The following MAD1L1 variants were observed in gnomAD, a reference collection of about 807,000 sequenced individuals.
The protein encoded by MAD1L1 is mitotic spindle assembly checkpoint protein MAD1.
In MAD1L1, 95 loss-of-function variants were observed where a neutral mutation model predicts 96.9. The observed-to-expected ratio is 0.98, with a 90% CI of 0.83 to 1.16. The LOEUF (loss-of-function observed/expected upper bound fraction) is 1.16, where lower values mean the gene tolerates loss of function less well. Among genes scored for constraint, MAD1L1 ranks in the 50% most tolerant of loss-of-function variants. The pLI is 0.00. For synonymous variants in MAD1L1, 473 were observed against 396.6 expected, an observed-to-expected ratio of 1.19 and a Z score of -2.29; for missense variants, 1,007 against 954.4, an observed-to-expected ratio of 1.06 and a Z score of -0.73.
At chr7:1,872,820 C>T (rs1785176978) in intron 18 of MAD1L1, 2 of 152,256 alleles carry the variant, frequency 1.3e-5, no homozygotes, top group South Asian at 4.1e-4. Context: ...TGAGATCGAA[C>T]TCCACAGTGA....
chr7:2,063,218 G>C (rs1784739125), intron 12 of MAD1L1, among the ~76,000 whole-genome samples: 1 of 152,164 alleles, frequency 6.6e-6, no homozygotes, highest in African/African-American at 2.4e-5. Context: ...TGAAAAGAAA[G>C]ACTGGACGTG....
intron 7 of MAD1L1, among the ~76,000 whole-genome samples, chr7:2,217,583 G>A (rs2114998043): frequency 6.6e-6 from 1 of 152,350 alleles, no homozygotes. Context: ...CAGGGAAATG[G>A]CACAGCCTGA....
intron 13 of MAD1L1, among the ~76,000 whole-genome samples, chr7:2,009,426 C>T (rs1194294934): frequency 6.6e-6 from 1 of 152,130 alleles, no homozygotes; most frequent in East Asian, 1.9e-4. Flanking sequence ...TGGTCACGGT[C>T]ACGTGGAAAA....
chr7:1,824,647 G>C (rs935132464), intron 18 of MAD1L1, among the ~76,000 whole-genome samples: 3 of 152,218 alleles, frequency 2.0e-5, no homozygotes, highest in Admixed American at 1.3e-4. Flanking sequence ...AGGACCCGCG[G>C]GAGAGGAGAG....
At chr7:1,908,850 C>G (rs1787837784) in intron 17 of MAD1L1, among the ~76,000 whole-genome samples, 1 of 152,220 alleles carries the variant, frequency 6.6e-6, no homozygotes, top group South Asian at 2.1e-4. Flanking sequence ...TGACCCCCAC[C>G]ACACGGCCTG....
chr7:2,049,958 ACG>A (rs1784094950), intron 12 of MAD1L1, among the ~76,000 whole-genome samples: 2 of 112,402 alleles, frequency 1.8e-5, no homozygotes, highest in Middle Eastern at 5.3e-3. Context: ...ACCTCACCCA[ACG>A]TCTGCGGGCA....
In MAD1L1 at chr7:2,218,165, G is replaced by T. The variant is rs534730323; in HGVS notation, c.597-122C>A. 857 of 722,608 alleles carry T rather than the reference G, an allele frequency of 1.2e-3. 2 individuals are homozygous for T. In the African/African-American group the frequency reaches 0.013, roughly 11 times the overall value. The allele number at this position is 722,608 out of a possible 1,614,324, so 44.8% of individuals were successfully genotyped here. A position where few individuals can be genotyped will look rare whatever the true frequency, so the allele number is the denominator to read the frequency against. On this transcript the variant is annotated intron_variant, in intron 6 of 18. Transcript: ENST00000265854. ...CGTTCATTCCCACCCCAAGGTTCAG[G>T]ACCTCCCACGGCACAGACCCCCCGC... is the stretch of plus-strand genomic sequence containing the variant.
At chr7:1,952,917 C>T (rs1779565895) in intron 16 of MAD1L1, among the ~76,000 whole-genome samples, 1 of 152,214 alleles carries the variant, frequency 6.6e-6, no homozygotes, top group South Asian at 2.1e-4. Context: ...AGGAGGTTGG[C>T]TCAGAGCACC....
chr7:1,935,838 C>G (rs544451492), intron 17 of MAD1L1, among the ~76,000 whole-genome samples: 31 of 152,346 alleles, frequency 2.0e-4, no homozygotes, highest in Non-Finnish European at 4.0e-4. Context: ...CTGCAGACAC[C>G]CCCAAGGGAG....
intron 12 of MAD1L1, among the ~76,000 whole-genome samples, chr7:2,017,632 A>C (rs1782600827): frequency 6.6e-6 from 1 of 152,162 alleles, no homozygotes; most frequent in Admixed American, 6.5e-5. Context: ...CTCCAATCAG[A>C]GGGAACAGCG....
chr7:1,942,384 T>C (rs1433980669), intron 16 of MAD1L1, among the ~76,000 whole-genome samples: 2 of 152,224 alleles, frequency 1.3e-5, no homozygotes, highest in Non-Finnish European at 2.9e-5. Context: ...AGCCTGCTGC[T>C]GTGACCACAG....
intron 17 of MAD1L1, among the ~76,000 whole-genome samples, chr7:1,917,495 G>A (rs1291917000): frequency 6.6e-6 from 1 of 152,238 alleles, no homozygotes; most frequent in Non-Finnish European, 1.5e-5. Context: ...CCGCCTGGCC[G>A]GGGCTCAGGG....
At chr7:1,855,521 C>T (rs1784204329) in intron 18 of MAD1L1, among the ~76,000 whole-genome samples, 1 of 152,104 alleles carries the variant, frequency 6.6e-6, no homozygotes, top group South Asian at 2.1e-4. Context: ...CACACACTCA[C>T]TTTCCAGAAA....
intron 10 of MAD1L1, among the ~76,000 whole-genome samples, chr7:2,165,521 C>T (rs1790382611): frequency 8.2e-6 from 1 of 122,670 alleles, no homozygotes; most frequent in South Asian, 2.8e-4. Flanking sequence ...CTCCAGCCAC[C>T]AGGACCACCC....
chr7:1,973,416 C>T (rs1044808985), intron 15 of MAD1L1, among the ~76,000 whole-genome samples: 3 of 152,156 alleles, frequency 2.0e-5, no homozygotes, highest in Non-Finnish European at 2.9e-5. Flanking sequence ...ACAAGGGCGA[C>T]AGACAGGCAG....
intron 17 of MAD1L1, among the ~76,000 whole-genome samples, chr7:1,919,981 G>C (rs934261422): frequency 6.6e-6 from 1 of 151,956 alleles, no homozygotes; most frequent in African/African-American, 2.4e-5. Flanking sequence ...CGCTTATAGA[G>C]GGCCAGTGCC....
chr7:2,053,673 G>C (rs1784278833), intron 12 of MAD1L1, among the ~76,000 whole-genome samples: 1 of 152,186 alleles, frequency 6.6e-6, no homozygotes, highest in Non-Finnish European at 1.5e-5. Context: ...GGGTGCCCCA[G>C]GCCAACAGGG....
At chr7:1,880,055 C>G (rs991571972) in intron 18 of MAD1L1, among the ~76,000 whole-genome samples, 18 of 152,076 alleles carry the variant, frequency 1.2e-4, no homozygotes, top group African/African-American at 3.6e-4. Flanking sequence ...AACAAAAGTA[C>G]CAAGGTAATT....
intron 1 of MAD1L1, among the ~76,000 whole-genome samples, chr7:2,231,217 G>C (rs1477100503): frequency 6.6e-6 from 1 of 152,170 alleles, no homozygotes; most frequent in African/African-American, 2.4e-5. Flanking sequence ...AGAATCGCTT[G>C]AAACTGGGAG....
Sources: allele counts gnomAD v4.1 joint callset (sites outside exome capture counted in the v4.1 genomes callset), GRCh38; gene constraint gnomAD v4.1.1; transcripts MANE v1.5; gene names NCBI Gene and HGNC (gene_info 2026-07-23, HGNC 2026-07-21).